The following PPP1R12B variants were observed in gnomAD, a reference collection of about 807,000 sequenced individuals.
The protein encoded by PPP1R12B is myosin phosphatase target subunit 2.
PPP1R12B carries 76 observed loss-of-function variants against 126.1 expected under a neutral mutation model. The observed-to-expected ratio is 0.60, with a 90% CI of 0.50 to 0.73. PPP1R12B has a LOEUF of 0.73. Among genes scored for constraint, PPP1R12B ranks in the 30% least tolerant of loss-of-function variants. PPP1R12B has a pLI of 0.00. For missense variants in PPP1R12B, 1,052 were observed against 1,205.1 expected, an observed-to-expected ratio of 0.87 and a Z score of 1.88; for synonymous variants, 356 against 434.7, an observed-to-expected ratio of 0.82 and a Z score of 2.25.
intron 13 of PPP1R12B, chr1:202,473,881 CT>C (rs762766335): frequency 3.8e-6 from 2 of 530,404 alleles, no homozygotes; most frequent in Non-Finnish European, 7.7e-6. Flanking sequence ...CCAGCAGCCA[CT>C]TACCTTTCTT....
intron 18 of PPP1R12B, among the ~76,000 whole-genome samples, chr1:202,536,726 G>A (rs1684566047): frequency 6.6e-6 from 1 of 151,510 alleles, no homozygotes. Context: ...ACATACAGCT[G>A]TACAAAAATA....
intron 3 of PPP1R12B, among the ~76,000 whole-genome samples, chr1:202,422,984 A>G (rs1344360365): frequency 1.3e-5 from 2 of 152,198 alleles, no homozygotes; most frequent in Non-Finnish European, 2.9e-5. Flanking sequence ...CATACCCATC[A>G]TACAATTAAG....
At chr1:202,476,676 C>T (rs1199227862) in intron 13 of PPP1R12B, among the ~76,000 whole-genome samples, 1 of 150,182 alleles carries the variant, frequency 6.7e-6, no homozygotes, top group Non-Finnish European at 1.5e-5. Context: ...GAGCAAGACT[C>T]TGTCTCAAAA....
chr1:202,370,494 C>T (rs1660024963), intron 1 of PPP1R12B, among the ~76,000 whole-genome samples: 1 of 151,574 alleles, frequency 6.6e-6, no homozygotes, highest in African/African-American at 2.4e-5. Flanking sequence ...GTTTTTATTT[C>T]TCTTGGGTAA....
Position 202,585,662 on chromosome 1 carries a change from C to CTGTT in PPP1R12B, c.*5104_*5107dup, listed in dbSNP as rs1444165823. On this transcript the variant is annotated 3_prime_UTR_variant, in exon 24 of 24. Coordinates refer to ENST00000608999, the MANE Select transcript of PPP1R12B (RefSeq NM_002481.4). ...TTTTTTGTTTTCTTCTGGATTTAAA[C>CTGTT]TGTTTAATATGAGCACATCAAGGTT... 6.6e-6 allele frequency: 1 copy of CTGTT among 152,202 alleles called. No homozygotes were observed. The highest frequency in any genetic ancestry group is 2.4e-5 in the African/African-American group (1 of 41,442). 9.4% of individuals were successfully genotyped at this position (152,202 alleles called of 1,614,324 possible).
chr1:202,535,669 T>G (rs1399487938), intron 18 of PPP1R12B, among the ~76,000 whole-genome samples: 3 of 152,210 alleles, frequency 2.0e-5, no homozygotes, highest in Non-Finnish European at 4.4e-5. Flanking sequence ...AGAAATAAAA[T>G]AGATGAACTC....
intron 1 of PPP1R12B, among the ~76,000 whole-genome samples, chr1:202,359,018 A>T (rs1486652099): frequency 6.6e-6 from 1 of 152,218 alleles, no homozygotes; most frequent in Non-Finnish European, 1.5e-5. Flanking sequence ...AATAGAAGAT[A>T]CAAAAGTAGA....
chr1:202,533,508 G>A (rs1435436587), intron 18 of PPP1R12B, among the ~76,000 whole-genome samples: 2 of 151,886 alleles, frequency 1.3e-5, no homozygotes, highest in African/African-American at 2.4e-5. Flanking sequence ...TGGTAGAGAC[G>A]GGGTTTTATG....
chr1:202,542,832 A>G (rs575333908), intron 18 of PPP1R12B, among the ~76,000 whole-genome samples: 1 of 152,298 alleles, frequency 6.6e-6, no homozygotes, highest in Non-Finnish European at 1.5e-5. Flanking sequence ...TTTCAGAGTT[A>G]AAGTCAGGAC....
At chr1:202,447,373 T>A (rs1187532729) in intron 12 of PPP1R12B, among the ~76,000 whole-genome samples, 1 of 152,236 alleles carries the variant, frequency 6.6e-6, no homozygotes. Context: ...ACCTATTTTG[T>A]CACTGTTTGT....
chr1:202,551,626 A>G (rs1464892035), intron 18 of PPP1R12B, among the ~76,000 whole-genome samples: 1 of 152,180 alleles, frequency 6.6e-6, no homozygotes, highest in Admixed American at 6.5e-5. Flanking sequence ...ATGACAAGAT[A>G]GCTCTCGCAT....
intron 13 of PPP1R12B, among the ~76,000 whole-genome samples, chr1:202,476,462 C>G (rs1462771708): frequency 1.3e-5 from 2 of 151,638 alleles, no homozygotes; most frequent in Non-Finnish European, 2.9e-5. Flanking sequence ...GGCAGGGGAT[C>G]ACTTGAGGTC....
At chr1:202,451,995 G>A (rs181163397) in intron 13 of PPP1R12B, among the ~76,000 whole-genome samples, 16 of 151,670 alleles carry the variant, frequency 1.1e-4, no homozygotes, top group African/African-American at 2.4e-4. Context: ...CAGACAGGGC[G>A]GCCGGGCAGA....
intron 1 of PPP1R12B, among the ~76,000 whole-genome samples, chr1:202,368,741 A>G (rs1183054145): frequency 6.6e-6 from 1 of 151,814 alleles, no homozygotes; most frequent in African/African-American, 2.4e-5. Context: ...TAAAAGAACC[A>G]TTTTATTTTG....
intron 1 of PPP1R12B, among the ~76,000 whole-genome samples, chr1:202,402,009 T>C (rs1381311025): frequency 1.3e-5 from 2 of 152,256 alleles, no homozygotes; most frequent in African/African-American, 4.8e-5. Context: ...GCTAGTGAAG[T>C]GCTCTGGGAG....
rs1436239753 is a variant in PPP1R12B, at chr1:202,348,958, C to T, written c.107C>T (p.Ala36Val). 6.2e-7 allele frequency: 1 copy of T among 1,601,932 alleles called. No individual in the cohort carries two copies. Among genetic ancestry groups the T allele is most frequent in the Middle Eastern group, 1.8e-4 (1 of 5,572 alleles). The stretch of plus-strand genomic sequence containing the variant: ...GGCTCGCTGACAGAGCAGGAGCCTG[C>T]GGAGCGACGAGGCGCGGGGCGGCAG... ...WRGSLTEQEP[A>V]ERRGAGRQPL... is the part of the protein sequence containing the mutation. Residue 36 changes from alanine (A) to valine (V), a missense_variant, in exon 1 of 24, where the codon GCG becomes GTG. By Grantham distance (64) the Ala-to-Val change is moderately conservative. Coordinates refer to ENST00000608999, the MANE Select transcript of PPP1R12B (RefSeq NM_002481.4).
At chr1:202,396,264 G>C (rs948622688) in intron 1 of PPP1R12B, among the ~76,000 whole-genome samples, 3 of 152,206 alleles carry the variant, frequency 2.0e-5, no homozygotes, top group African/African-American at 7.2e-5. Context: ...TCTGGAGCCA[G>C]ACTGATTGGA....
At chr1:202,396,765 A>G (rs1300544760) in intron 1 of PPP1R12B, among the ~76,000 whole-genome samples, 1 of 152,154 alleles carries the variant, frequency 6.6e-6, no homozygotes, top group Non-Finnish European at 1.5e-5. Context: ...GGTGCGTGCC[A>G]TCATGCGTGG....
At chr1:202,487,008 A>G (rs1572238556) in intron 13 of PPP1R12B, among the ~76,000 whole-genome samples, 1 of 152,332 alleles carries the variant, frequency 6.6e-6, no homozygotes, top group East Asian at 1.9e-4. Flanking sequence ...TTATAAGCCA[A>G]TTTCTTTCAT....
Sources: allele counts gnomAD v4.1 joint callset (sites outside exome capture counted in the v4.1 genomes callset), GRCh38; gene constraint gnomAD v4.1.1; transcripts MANE v1.5; gene names NCBI Gene and HGNC (gene_info 2026-07-23, HGNC 2026-07-21).